SFI1: variants seen among roughly 807,000 people sequenced by gnomAD.
SFI1 encodes the protein protein SFI1 homolog.
SFI1 carries 195 observed loss-of-function variants against 207.5 expected under a neutral mutation model. The ratio of observed to expected loss-of-function variants is 0.94; its 90% CI spans 0.84 to 1.06. The LOEUF (loss-of-function observed/expected upper bound fraction) is 1.06, where lower values mean the gene tolerates loss of function less well. SFI1 is among the 50% of genes least tolerant of loss of function. The pLI is 0.00. For missense variants in SFI1, 1,634 were observed against 1,588.0 expected, an observed-to-expected ratio of 1.03 and a Z score of -0.49; for synonymous variants, 630 against 598.9, an observed-to-expected ratio of 1.05 and a Z score of -0.76.
intron 1 of SFI1, chr22:31,497,404 G>GTGATCAGTGATCTT (rs1488229637): frequency 4.6e-5 from 7 of 152,240 alleles, no homozygotes; most frequent in Admixed American, 4.6e-4. Flanking sequence ...ACAGTGATCT[G>GTGATCAGTGATCTT]TGATCAGTGA....
At chr22:31,606,557 C>G (rs2069010385) in intron 21 of SFI1, 127 bp downstream of exon 21, 2 of 662,546 alleles carry the variant, frequency 3.0e-6, no homozygotes, top group East Asian at 2.7e-5. Flanking sequence ...GGGTAACTTT[C>G]CTCCAGCACA....
At chr22:31,527,883 G>T (rs1434203373) in intron 2 of SFI1, among the ~76,000 whole-genome samples, 1 of 152,160 alleles carries the variant, frequency 6.6e-6, no homozygotes, top group Non-Finnish European at 1.5e-5. Context: ...GGAGGCCGAG[G>T]TGGGTGGATA....
Position 31,615,223 on chromosome 22 carries a change from C to G in SFI1, c.3244C>G (p.Leu1082Val). 6.5e-7 allele frequency: 1 copy of G among 1,544,142 alleles called. No homozygotes were observed. Among genetic ancestry groups the G allele is most frequent in the Non-Finnish European group, 8.7e-7 (1 of 1,152,868 alleles). The stretch of plus-strand genomic sequence containing the variant: ...CCCGACGGCAAGCACAGGCCCGGAG[C>G]TGCTGCTGCTGCCTCTTTCCTCCTT... ...QPPTASTGPELLLLPLSSFMP... is the reference protein window; with the variant it reads ...QPPTASTGPEVLLLPLSSFMP... The change falls in exon 29 of 33, where the codon CTG becomes GTG. Residue 1082 changes from leucine to valine, a missense_variant. Transcript: ENST00000400288.
At chr22:31,550,408 A>C in intron 6 of SFI1, 60 bp downstream of exon 6, 1 of 1,316,750 alleles carries the variant, frequency 7.6e-7, no homozygotes, top group Non-Finnish European at 1.1e-6. Flanking sequence ...AGAAGGTCAT[A>C]GGAAGGACAA....
chr22:31,608,314 C>T (rs1202260473), intron 22 of SFI1, among the ~76,000 whole-genome samples: 1 of 152,142 alleles, frequency 6.6e-6, no homozygotes, highest in Admixed American at 6.5e-5. Context: ...TCTTGCTTGT[C>T]ATGGCTTTCC....
At chr22:31,530,587 T>C (rs989381703) in intron 3 of SFI1, 1 of 470,488 alleles carries the variant, frequency 2.1e-6, no homozygotes, top group East Asian at 6.9e-5. Flanking sequence ...AATTTCTGCT[T>C]TCAGGGGCTC....
At chr22:31,553,436 A>G (rs1179367556) in intron 6 of SFI1, among the ~76,000 whole-genome samples, 3 of 150,884 alleles carry the variant, frequency 2.0e-5, no homozygotes, top group South Asian at 2.1e-4. Context: ...GCTCACTGCA[A>G]CCTCGACCTC....
intron 1 of SFI1, among the ~76,000 whole-genome samples, chr22:31,500,751 C>T (rs1201195122): frequency 6.6e-6 from 1 of 151,964 alleles, no homozygotes; most frequent in Non-Finnish European, 1.5e-5. Context: ...GCCATTGTGC[C>T]TGCCCAATAA....
chr22:31,605,850 A>T lies in SFI1; in HGVS notation c.2055-478A>T, dbSNP rs562274514. 60 of 155,178 alleles carry T rather than the reference A, an allele frequency of 3.9e-4. 1 individual carries two copies. The South Asian group carries it at 0.012, about 30-fold the overall frequency. The allele number at this position is 155,178 out of a possible 1,614,324, so 9.6% of individuals were successfully genotyped here. On this transcript the variant is annotated intron_variant, in intron 20 of 32. Coordinates refer to ENST00000400288, the MANE Select transcript of SFI1 (RefSeq NM_001007467.3). Reference sequence around the variant, plus strand: ...GCGATGGAGTGAGACCCTGTCTCTCAAAAGTAAATAAATAAAATAAATGCC... The same window carrying T: ...GCGATGGAGTGAGACCCTGTCTCTCTAAAGTAAATAAATAAAATAAATGCC...
chr22:31,570,007 C>T (rs923706886), intron 8 of SFI1, among the ~76,000 whole-genome samples: 6 of 151,264 alleles, frequency 4.0e-5, no homozygotes, highest in Non-Finnish European at 8.8e-5. Context: ...GTCCCAGCTG[C>T]TCAGGAGGCT....
intron 8 of SFI1, among the ~76,000 whole-genome samples, chr22:31,571,238 C>CA (rs1043892109): frequency 2.2e-4 from 33 of 152,148 alleles, no homozygotes; most frequent in African/African-American, 8.0e-4. Flanking sequence ...TTATTACTGA[C>CA]AAACACCAAA....
rs748715690 is a variant in SFI1, at chr22:31,615,099, C to A, written c.3120C>A (p.Pro1040=). The A allele has an allele frequency of 1.4e-5, 23 of 1,606,114 alleles. No individual in the cohort carries two copies. The Admixed American group carries it at 3.9e-4, about 27-fold the overall frequency. ...HGLGMAQPAA[P]SLTRPFLAEA... Reference sequence around the variant, plus strand: ...TAGGCATGGCTCAGCCAGCAGCCCCCTCCCTGACGCGGCCCTTCCTGGCAG... The same window carrying A: ...TAGGCATGGCTCAGCCAGCAGCCCCATCCCTGACGCGGCCCTTCCTGGCAG... The change falls in exon 29 of 33, where the codon CCC becomes CCA. Residue 1040 remains proline (P), a synonymous_variant. Transcript: ENST00000400288.
chr22:31,543,272 A>T (rs1478314182), intron 4 of SFI1, among the ~76,000 whole-genome samples: 1 of 152,178 alleles, frequency 6.6e-6, no homozygotes, highest in Non-Finnish European at 1.5e-5. Flanking sequence ...TTTTAAAAAG[A>T]TACCATATTA....
chr22:31,576,271 C>G (rs1021611867), intron 10 of SFI1, among the ~76,000 whole-genome samples: 2 of 146,688 alleles, frequency 1.4e-5, no homozygotes, highest in African/African-American at 5.1e-5. Flanking sequence ...GTGATCCACC[C>G]ACCTCAGCCT....
chr22:31,529,572 C>T (rs1031664922), intron 3 of SFI1, among the ~76,000 whole-genome samples: 3 of 152,122 alleles, frequency 2.0e-5, no homozygotes, highest in Non-Finnish European at 2.9e-5. Context: ...CCAGGTGTTA[C>T]GCTAGATGCT....
chr22:31,601,312 A>T (rs1257628379), intron 15 of SFI1, among the ~76,000 whole-genome samples: 3 of 151,626 alleles, frequency 2.0e-5, no homozygotes, highest in Non-Finnish European at 4.4e-5. Context: ...TTTAGTAGAG[A>T]TGGGGTTTCA....
At chr22:31,583,797 C>A in intron 12 of SFI1, 78 bp from the exon 13 acceptor site, 1 of 1,291,046 alleles carries the variant, frequency 7.7e-7, no homozygotes, top group South Asian at 1.2e-5. Flanking sequence ...TGGGGGAGCT[C>A]ACAGTCTGTT....
chr22:31,617,638 T>C (rs969758594), intron 31 of SFI1, among the ~76,000 whole-genome samples: 1 of 151,768 alleles, frequency 6.6e-6, no homozygotes, highest in African/African-American at 2.4e-5. Flanking sequence ...GAAGAATCGC[T>C]TCAACCTGGG....
chr22:31,589,192 G>C (rs1371667807), intron 14 of SFI1, among the ~76,000 whole-genome samples: 1 of 119,034 alleles, frequency 8.4e-6, no homozygotes. Flanking sequence ...GAGTGAGTGA[G>C]AGTGTGTGTA....
Sources: allele counts gnomAD v4.1 joint callset (sites outside exome capture counted in the v4.1 genomes callset), GRCh38; gene constraint gnomAD v4.1.1; transcripts MANE v1.5; gene names NCBI Gene and HGNC (gene_info 2026-07-23, HGNC 2026-07-21).